ULK4: variants seen among roughly 807,000 people sequenced by gnomAD.
The protein encoded by ULK4 is inactive serine/threonine-protein kinase ULK4.
A neutral mutation model predicts 160.6 loss-of-function variants in ULK4; 133 were observed. The observed-to-expected ratio is 0.83, with a 90% CI of 0.72 to 0.96. ULK4 has a LOEUF of 0.96. Among genes scored for constraint, ULK4 ranks in the 40% least tolerant of loss-of-function variants. The probability of loss-of-function intolerance (pLI) is 0.00; values close to 1 mark genes in which losing one functional copy is unlikely to be tolerated. For synonymous variants in ULK4, 534 were observed against 539.8 expected, an observed-to-expected ratio of 0.99 and a Z score of 0.15; for missense variants, 1,580 against 1,499.5, an observed-to-expected ratio of 1.05 and a Z score of -0.89.
At chr3:41,958,043 CA>C (rs60057307) in intron 1 of ULK4, among the ~76,000 whole-genome samples, 96,221 of 118,546 alleles carry the variant, frequency 0.81, 40,177 homozygotes, top group Non-Finnish European at 0.94. Context: ...GACCCTTTCT[CA>C]AAAAAAAAAA....
intron 19 of ULK4, among the ~76,000 whole-genome samples, chr3:41,810,625 G>T (rs1177259376): frequency 6.6e-6 from 1 of 151,886 alleles, no homozygotes. Flanking sequence ...GACAAGCCCG[G>T]GCAACTTAAT....
chr3:41,858,247 G>A (rs116349122), intron 17 of ULK4, among the ~76,000 whole-genome samples: 3,067 of 147,940 alleles, frequency 0.021, 31 homozygotes, highest in Non-Finnish European at 0.032. Context: ...CACCACCCAG[G>A]TTCAAGAAAT....
intron 17 of ULK4, among the ~76,000 whole-genome samples, chr3:41,856,584 TATAC>T (rs2042362668): frequency 3.7e-5 from 3 of 81,542 alleles, no homozygotes; most frequent in African/African-American, 2.1e-4. Context: ...TGTGTATATA[TATAC>T]ACATATATAT....
At chr3:41,629,511 A>C (rs1196130097) in intron 30 of ULK4, among the ~76,000 whole-genome samples, 1 of 152,168 alleles carries the variant, frequency 6.6e-6, no homozygotes, top group Non-Finnish European at 1.5e-5. Context: ...TTGTGTTCTA[A>C]GTGGGCATGC....
chr3:41,508,428 C>T (rs536973258), intron 32 of ULK4, among the ~76,000 whole-genome samples: 1 of 152,270 alleles, frequency 6.6e-6, no homozygotes, highest in South Asian at 2.1e-4. Flanking sequence ...AACCTGAATA[C>T]TTAACCTGGC....
chr3:41,496,890 A>T (rs1474418915), intron 32 of ULK4, among the ~76,000 whole-genome samples: 1 of 152,158 alleles, frequency 6.6e-6, no homozygotes, highest in Admixed American at 6.6e-5. Context: ...TAGCTGAACC[A>T]CCAGTAAATT....
At position 41,555,139 on chromosome 3, in the gene ULK4, A is replaced by T. The variant is rs77177185; in HGVS notation, c.3226+10886T>A. Among the ~76,000 whole-genome samples, 5 of 152,152 alleles carry T rather than the reference A, an allele frequency of 3.3e-5. No homozygotes were observed. The East Asian group carries it at 7.7e-4, about 23-fold the overall frequency. The stretch of plus-strand genomic sequence containing the variant: ...AGGTAAAAACATAAATTGACTTTTG[A>T]AAAAAGTTAACACTAAGAAGTAAAT... On this transcript the variant is annotated intron_variant, in intron 32 of 36. Transcript: ENST00000301831.
intron 35 of ULK4, among the ~76,000 whole-genome samples, chr3:41,303,635 C>T (rs1342971035): frequency 3.3e-5 from 5 of 152,142 alleles, no homozygotes; most frequent in African/African-American, 1.2e-4. Flanking sequence ...AAGGGGTTTC[C>T]TGTGCCAGGG....
At chr3:41,377,764 A>C (rs1200317046) in intron 35 of ULK4, among the ~76,000 whole-genome samples, 2 of 147,234 alleles carry the variant, frequency 1.4e-5, no homozygotes, top group African/African-American at 2.6e-5. Context: ...GAACACTTTT[A>C]CACTGTTGGT....
rs547073816 is a variant in ULK4, at chr3:41,631,783, G to A, written c.3072-16066C>T. Among the ~76,000 whole-genome samples the A allele has an allele frequency of 1.8e-4, 27 of 152,094 alleles. No individual in the cohort carries two copies. The East Asian group carries it at 4.6e-3, about 26-fold the overall frequency. On this transcript the variant is annotated intron_variant, in intron 30 of 36. Transcript: ENST00000301831. Reference sequence around the variant, plus strand: ...GAAGTCAAGAGGATCTCCATACAGTGTGCAGGACTCTTTTATGAAGCACCT... The same window carrying A: ...GAAGTCAAGAGGATCTCCATACAGTATGCAGGACTCTTTTATGAAGCACCT...
intron 22 of ULK4, among the ~76,000 whole-genome samples, chr3:41,726,052 TA>T (rs1053374241): frequency 6.6e-6 from 1 of 152,146 alleles, no homozygotes; most frequent in Admixed American, 6.5e-5. Flanking sequence ...TTACAGAGTA[TA>T]AAAAAAGCAA....
At chr3:41,461,629 A>T (rs2083686016) in intron 33 of ULK4, among the ~76,000 whole-genome samples, 1 of 152,236 alleles carries the variant, frequency 6.6e-6, no homozygotes, top group Non-Finnish European at 1.5e-5. Context: ...GAAACCAGCA[A>T]GTTGGAAATA....
intron 12 of ULK4, among the ~76,000 whole-genome samples, chr3:41,907,346 G>A (rs963440510): frequency 6.6e-6 from 1 of 151,912 alleles, no homozygotes; most frequent in African/African-American, 2.4e-5. Context: ...ACCCAGGCTG[G>A]AGTGCGGTGG....
At chr3:41,397,173 A>C (rs1024730239) in intron 35 of ULK4, among the ~76,000 whole-genome samples, 3 of 152,164 alleles carry the variant, frequency 2.0e-5, no homozygotes, top group Non-Finnish European at 4.4e-5. Flanking sequence ...AGCTACTGTA[A>C]ATAGTGGCCT....
chr3:41,264,142 A>T lies in ULK4; in HGVS notation c.3679-14568T>A, dbSNP rs560391615. ...CATGTGAGGGACTTATATTGTAAAAAGGGGTGATAGCAGCAACCATGAAGG... is the reference window on the plus strand; with the variant it reads ...CATGTGAGGGACTTATATTGTAAAATGGGGTGATAGCAGCAACCATGAAGG... On this transcript the variant is annotated intron_variant, in intron 35 of 36. Coordinates refer to ENST00000301831, the MANE Select transcript of ULK4 (RefSeq NM_017886.4). 8.6e-4 allele frequency among the ~76,000 whole-genome samples: 131 copies of T among 152,314 alleles called. 1 individual carries two copies. Among genetic ancestry groups the T allele is most frequent in the African/African-American group, 3.1e-3 (127 of 41,566 alleles).
chr3:41,772,203 A>C (rs1404345908), intron 21 of ULK4, among the ~76,000 whole-genome samples: 9 of 152,238 alleles, frequency 5.9e-5, no homozygotes, highest in Non-Finnish European at 5.9e-5. Flanking sequence ...GCAGAAAGCA[A>C]GAAATAACTA....
chr3:41,727,790 A>T (rs1324027613), intron 22 of ULK4, among the ~76,000 whole-genome samples: 4 of 152,230 alleles, frequency 2.6e-5, no homozygotes, highest in African/African-American at 9.6e-5. Flanking sequence ...TGGAAATGTA[A>T]AAAGGAAGAC....
Position 41,629,436 on chromosome 3 carries a change from T to C in ULK4, c.3072-13719A>G, listed in dbSNP as rs145033725. ...GTGCCAAGAGGAAGCATCCAAGGAG[T>C]AGGCTTTCAAAGAGAACCAGATGGC... On this transcript the variant is annotated intron_variant, in intron 30 of 36. Transcript: ENST00000301831. Among the ~76,000 whole-genome samples the C allele has an allele frequency of 1.2e-3, 189 of 152,146 alleles. 1 individual carries two copies. Among genetic ancestry groups the C allele is most frequent in the African/African-American group, 4.4e-3 (181 of 41,506 alleles).
At position 41,712,373 on chromosome 3, in the gene ULK4, C is replaced by T. The variant is rs567848427; in HGVS notation, c.2634+2864G>A. 1.2e-4 allele frequency among the ~76,000 whole-genome samples: 19 copies of T among 152,290 alleles called. No homozygotes were observed. In the South Asian group the frequency reaches 2.9e-3, roughly 23 times the overall value. ...ATCTCCACACCCACCCCAAGGCAGG[C>T]CAGCAGCTCATGAAGAGCTGCCTCA... On this transcript the variant is annotated intron_variant, in intron 25 of 36. Transcript: ENST00000301831.
Sources: gnomAD v4.1 joint callset for allele counts (sites outside exome capture counted in the v4.1 genomes callset) on GRCh38, gnomAD v4.1.1 for gene constraint, MANE v1.5 for transcripts, NCBI Gene and HGNC (gene_info 2026-07-23, HGNC 2026-07-21) for gene names.